Variants in EPB41L3 observed in about 807,000 individuals in gnomAD.
EPB41L3 encodes the protein erythrocyte membrane protein band 4.1 like 3.
Under a neutral mutation model 127.1 loss-of-function variants are expected in EPB41L3, and 57 were observed. The ratio of observed to expected loss-of-function variants is 0.45; its 90% CI spans 0.36 to 0.56. The LOEUF is 0.56. EPB41L3 is among the 20% of genes least tolerant of loss of function. The pLI, the probability that EPB41L3 is intolerant of heterozygous loss-of-function variation, is 0.00. For missense variants in EPB41L3, 1,273 were observed against 1,372.2 expected (o/e 0.93, Z 1.14); for synonymous variants, 572 against 549.5 (o/e 1.04, Z -0.57).
intron 1 of EPB41L3, among the ~76,000 whole-genome samples, chr18:5,538,001 A>G (rs2093619895): frequency 1.3e-5 from 2 of 152,164 alleles, no homozygotes; most frequent in South Asian, 4.2e-4. Context: ...ATATTTCATA[A>G]GATTCATGAC....
chr18:5,440,133 T>C (rs1598953825), intron 5 of EPB41L3, among the ~76,000 whole-genome samples: 1 of 152,180 alleles, frequency 6.6e-6, no homozygotes, highest in South Asian at 2.1e-4. Context: ...GAGATTTTTA[T>C]TCCAGAGATT....
intron 1 of EPB41L3, among the ~76,000 whole-genome samples, chr18:5,624,726 C>T (rs2094903132): frequency 6.6e-6 from 1 of 152,132 alleles, no homozygotes; most frequent in Admixed American, 6.5e-5. Context: ...CCGTGGAGCC[C>T]CCACTCCGGA....
At chr18:5,549,068 A>G (rs574541376), upstream of EPB41L3, among the ~76,000 whole-genome samples, 7 of 152,380 alleles carry the variant, frequency 4.6e-5, no homozygotes, top group East Asian at 1.2e-3. Context: ...ATAGTAAGAC[A>G]CATTCAGAAG....
chr18:5,518,685 GTT>G (rs1295985311), intron 1 of EPB41L3: 5 of 152,114 alleles, frequency 3.3e-5, no homozygotes, highest in Admixed American at 1.3e-4. Flanking sequence ...TTTCTTAACA[GTT>G]TACTAGATGG....
At chr18:5,398,316 G>C (rs951893567) in intron 16 of EPB41L3, 173 bp from the exon 17 acceptor site, 24 of 747,126 alleles carry the variant, frequency 3.2e-5, no homozygotes, top group East Asian at 1.8e-4. Flanking sequence ...TAGAAAACCA[G>C]GTGCTCTTGT....
At chr18:5,484,122 C>CAAAAAAAAAAAAAAAAAAAAAA (rs2089255322) in intron 2 of EPB41L3, among the ~76,000 whole-genome samples, 1 of 75,162 alleles carries the variant, frequency 1.3e-5, no homozygotes, top group African/African-American at 5.6e-5. Flanking sequence ...AAAAAAAAAA[C>CAAAAAAAAAAAAAAAAAAAAAA]AGAAAAAAAA....
chr18:5,402,310 C>T (rs1377253905), intron 16 of EPB41L3, among the ~76,000 whole-genome samples: 1 of 151,116 alleles, frequency 6.6e-6, no homozygotes, highest in Non-Finnish European at 1.5e-5. Flanking sequence ...TAATCATAGC[C>T]TCTTTTGCAA....
At chr18:5,593,654 C>T (rs1021973579) in intron 3 of EPB41L3, among the ~76,000 whole-genome samples, 123 of 152,148 alleles carry the variant, frequency 8.1e-4, no homozygotes, top group African/African-American at 2.9e-3. Context: ...ATTTATTAGG[C>T]GGGAATTTCC....
chr18:5,399,114 G>A (rs1319520229), intron 16 of EPB41L3: 1 of 398,912 alleles, frequency 2.5e-6, no homozygotes, highest in Non-Finnish European at 4.4e-6. Flanking sequence ...ACCCTCTTTA[G>A]CTTTCCCAGT....
At chr18:5,433,630 C>T (rs2079310611) in intron 7 of EPB41L3, 74 bp from the exon 8 acceptor site, 1 of 1,328,726 alleles carries the variant, frequency 7.5e-7, no homozygotes, top group South Asian at 1.2e-5. Context: ...CCACTTAGTT[C>T]CATGCTATCT....
At chr18:5,426,949 T>C (rs1169024059) in intron 9 of EPB41L3, among the ~76,000 whole-genome samples, 3 of 152,250 alleles carry the variant, frequency 2.0e-5, no homozygotes, top group African/African-American at 7.2e-5. Flanking sequence ...TCAGTTATCA[T>C]AGATAGGTAT....
chr18:5,615,547 T>C (rs921389827), intron 1 of EPB41L3, among the ~76,000 whole-genome samples: 1 of 152,168 alleles, frequency 6.6e-6, no homozygotes, highest in African/African-American at 2.4e-5. Context: ...AACATCACCG[T>C]ACATTCGAAA....
upstream of EPB41L3, among the ~76,000 whole-genome samples, chr18:5,549,232 T>C (rs796915940): frequency 1.4e-4 from 22 of 152,330 alleles, no homozygotes; most frequent in African/African-American, 5.1e-4. Flanking sequence ...ATGTTTTTTT[T>C]CCCCTTTCCA....
intron 3 of EPB41L3, among the ~76,000 whole-genome samples, chr18:5,454,227 TA>T: frequency 1.3e-5 from 2 of 150,466 alleles, no homozygotes; most frequent in Non-Finnish European, 1.5e-5. Flanking sequence ...TTTTTTTTTT[TA>T]ATCCATACTT....
chr18:5,445,475 A>G (rs113616352), intron 3 of EPB41L3, among the ~76,000 whole-genome samples: 2 of 152,246 alleles, frequency 1.3e-5, no homozygotes, highest in East Asian at 1.9e-4. Flanking sequence ...AAACAAAAGC[A>G]AAGTATCAAC....
intron 3 of EPB41L3, among the ~76,000 whole-genome samples, chr18:5,557,289 T>G (rs1434005887): frequency 6.6e-6 from 1 of 152,220 alleles, no homozygotes; most frequent in Non-Finnish European, 1.5e-5. Flanking sequence ...AAAATAGATA[T>G]CGACATGTGG....
At chr18:5,498,651 C>T (rs1305220064) in intron 1 of EPB41L3, among the ~76,000 whole-genome samples, 1 of 149,088 alleles carries the variant, frequency 6.7e-6, no homozygotes, top group African/African-American at 2.5e-5. Flanking sequence ...TTTCCCTTAG[C>T]AAAGGCACCC....
At chr18:5,510,763 T>C (rs1315121957) in intron 1 of EPB41L3, among the ~76,000 whole-genome samples, 1 of 152,194 alleles carries the variant, frequency 6.6e-6, no homozygotes, top group Non-Finnish European at 1.5e-5. Flanking sequence ...ATAGTTCGCA[T>C]ATTTCTTCAG....
intron 3 of EPB41L3, among the ~76,000 whole-genome samples, chr18:5,611,665 C>T (rs562067567): frequency 3.9e-5 from 6 of 152,242 alleles, no homozygotes; most frequent in East Asian, 1.9e-4. Context: ...CAGTGGCTCA[C>T]GCCTGTAATC....
Sources: gnomAD v4.1 joint callset for allele counts (sites outside exome capture counted in the v4.1 genomes callset) on GRCh38, gnomAD v4.1.1 for gene constraint, MANE v1.5 for transcripts, NCBI Gene and HGNC (gene_info 2026-07-23, HGNC 2026-07-21) for gene names.